The following SUSD5 variants were observed in gnomAD, a reference collection of about 807,000 sequenced individuals.
SUSD5 encodes the protein sushi domain-containing protein 5.
A neutral mutation model predicts 29.5 loss-of-function variants in SUSD5; 33 were observed. The observed-to-expected ratio is 1.12, with a 90% confidence interval of 0.85 to 1.49. SUSD5 has a LOEUF of 1.49. Ranked by LOEUF, SUSD5 falls within the 40% of genes most tolerant of loss-of-function variation. The pLI is 0.00. For synonymous variants in SUSD5, 308 were observed against 325.3 expected (o/e 0.95, Z 0.57); for missense variants, 776 against 800.6 (o/e 0.97, Z 0.37).
intron 3 of SUSD5, among the ~76,000 whole-genome samples, chr3:33,201,476 C>A (rs2032116052): frequency 6.6e-6 from 1 of 152,218 alleles, no homozygotes; most frequent in Admixed American, 6.5e-5. Flanking sequence ...CCTCTGGGGC[C>A]AAAAGACCCA....
intron 2 of SUSD5, among the ~76,000 whole-genome samples, chr3:33,211,948 T>C (rs1035192552): frequency 6.6e-5 from 10 of 152,186 alleles, no homozygotes. Context: ...TTTATTCTTC[T>C]GCATACAGAT....
chr3:33,217,353 T>G (rs572031664), intron 1 of SUSD5, among the ~76,000 whole-genome samples: 48 of 152,332 alleles, frequency 3.2e-4, no homozygotes, highest in African/African-American at 1.0e-3. Context: ...TGGGATTCTT[T>G]TGAGGAGTGA....
chr3:33,205,309 T>C (rs966423340), intron 3 of SUSD5, among the ~76,000 whole-genome samples: 2 of 152,238 alleles, frequency 1.3e-5, no homozygotes, highest in South Asian at 4.1e-4. Context: ...CAAGTCTTTT[T>C]GGTCTTTCTT....
intron 3 of SUSD5, among the ~76,000 whole-genome samples, chr3:33,182,915 T>C (rs2031701727): frequency 6.6e-6 from 1 of 151,864 alleles, no homozygotes; most frequent in African/African-American, 2.4e-5. Context: ...GCCTCCTGAG[T>C]AGCTGGGACT....
At chr3:33,187,672 C>CTT (rs747988806) in intron 3 of SUSD5, among the ~76,000 whole-genome samples, 9 of 146,336 alleles carry the variant, frequency 6.2e-5, no homozygotes, top group Non-Finnish European at 1.2e-4. Flanking sequence ...TTTTTTTATA[C>CTT]TTTAAGTTTT....
In SUSD5 at chr3:33,151,117, G is replaced by A. The variant is rs1400567716; in HGVS notation, c.*1625C>T. ...CTTTAGGGCTTCAGCTGGCCTCGAA[G>A]TTCACATTTGAGATTATTATAAACC... is the stretch of plus-strand genomic sequence containing the variant. On this transcript the variant is annotated 3_prime_UTR_variant, in exon 5 of 5. Transcript: ENST00000309558. 2.6e-5 allele frequency: 4 copies of A among 152,172 alleles called. No homozygotes were observed. Among genetic ancestry groups the A allele is most frequent in the Non-Finnish European group, 5.9e-5 (4 of 68,032 alleles). The allele number at this position is 152,172 out of a possible 1,614,324, so 9.4% of individuals were successfully genotyped here.
chr3:33,179,800 T>C (rs1575534867), intron 3 of SUSD5, among the ~76,000 whole-genome samples: 1 of 152,260 alleles, frequency 6.6e-6, no homozygotes, highest in East Asian at 1.9e-4. Flanking sequence ...TCTACTCTAA[T>C]TTTTATTACA....
At chr3:33,201,384 T>C (rs149962058) in intron 3 of SUSD5, among the ~76,000 whole-genome samples, 1,530 of 152,320 alleles carry the variant, frequency 0.01, 11 homozygotes, top group Non-Finnish European at 0.016. Context: ...GCAGCTCTTC[T>C]GAGTAGCACA....
intron 3 of SUSD5, among the ~76,000 whole-genome samples, chr3:33,189,665 T>A (rs978274645): frequency 6.6e-6 from 1 of 152,164 alleles, no homozygotes; most frequent in Non-Finnish European, 1.5e-5. Context: ...ATATTACACA[T>A]AAATCACACT....
chr3:33,200,984 T>C (rs1320488977), intron 3 of SUSD5, among the ~76,000 whole-genome samples: 1 of 152,170 alleles, frequency 6.6e-6, no homozygotes, highest in Non-Finnish European at 1.5e-5. Flanking sequence ...GATGGAATTG[T>C]TAAGCAAAAA....
chr3:33,167,185 AAT>A lies in SUSD5; in HGVS notation c.598+7699_598+7700del, dbSNP rs917862881. Among the ~76,000 whole-genome samples the A allele has an allele frequency of 1.3e-5, 2 of 150,298 alleles. No homozygotes were observed. Among genetic ancestry groups the A allele is most frequent in the Non-Finnish European group, 1.5e-5 (1 of 67,620 alleles). On this transcript the variant is annotated intron_variant, in intron 4 of 4. Transcript: ENST00000309558. This position sits in a 1 kb window ranked among gnomAD's most constrained non-coding sequence, Gnocchi z 4.1. ...CAAGAGCGAGACTCCATCTCAAAAA[AAT>A]ATATATATATATAAATATATATATA...
chr3:33,218,225 A>G (rs1426586049), intron 1 of SUSD5, among the ~76,000 whole-genome samples: 1 of 152,170 alleles, frequency 6.6e-6, no homozygotes, highest in African/African-American at 2.4e-5. Flanking sequence ...AGCCTCGCTG[A>G]TTCCCACTCA....
At chr3:33,170,896 G>A (rs146742785) in intron 4 of SUSD5, among the ~76,000 whole-genome samples, 2 of 152,322 alleles carry the variant, frequency 1.3e-5, no homozygotes, top group African/African-American at 4.8e-5. Context: ...AGGTGAAAGG[G>A]CCTGAAAGGT....
chr3:33,182,819 C>T (rs111542383), intron 3 of SUSD5, among the ~76,000 whole-genome samples: 3,013 of 152,242 alleles, frequency 0.02, 60 homozygotes, highest in East Asian at 0.083. Flanking sequence ...CGGAGTCTTG[C>T]TCTGTCACCC....
chr3:33,166,462 CTAATGTGT>C (rs1201694516), intron 4 of SUSD5, among the ~76,000 whole-genome samples: 2 of 152,092 alleles, frequency 1.3e-5, no homozygotes, highest in Non-Finnish European at 2.9e-5. Flanking sequence ...CAGTTTGGGA[CTAATGTGT>C]TACTCACCAG....
chr3:33,198,390 C>A (rs2032037243), intron 3 of SUSD5, among the ~76,000 whole-genome samples: 1 of 152,172 alleles, frequency 6.6e-6, no homozygotes, highest in African/African-American at 2.4e-5. Context: ...TTATTGTGTT[C>A]CAGGTGTTGT....
At position 33,152,375 on chromosome 3, in the gene SUSD5, G is replaced by A. The variant is rs768322131; in HGVS notation, c.*367C>T. The A allele has an allele frequency of 1.1e-5, 2 of 183,864 alleles. No individual in the cohort carries two copies. Among genetic ancestry groups the A allele is most frequent in the African/African-American group, 2.4e-5 (1 of 42,276 alleles). The allele number at this position is 183,864 out of a possible 1,614,324, so 11.4% of individuals were successfully genotyped here. A position where few individuals can be genotyped will look rare whatever the true frequency, so the allele number is the denominator to read the frequency against. On this transcript the variant is annotated 3_prime_UTR_variant, in exon 5 of 5. Transcript: ENST00000309558. ...GCAGAGGTTGCAGTGAGCTCAGATC[G>A]GGACACTGCACTCCAGCCTGGGCAA...
At chr3:33,154,502 G>T (rs964365859) in intron 4 of SUSD5, among the ~76,000 whole-genome samples, 5 of 152,012 alleles carry the variant, frequency 3.3e-5, no homozygotes, top group African/African-American at 1.2e-4. Context: ...CAGCCTGGGT[G>T]ACAGAGTGAG....
Position 33,218,728 on chromosome 3 carries a change from G to A in SUSD5, c.70C>T (p.Leu24=). The A allele has an allele frequency of 7.4e-7, 1 of 1,351,354 alleles. No homozygotes were observed. 83.7% of individuals were successfully genotyped at this position (1,351,354 alleles called of 1,614,324 possible). A position where few individuals can be genotyped will look rare whatever the true frequency, so the allele number is the denominator to read the frequency against. Residue 24 remains leucine (L), a synonymous_variant, in exon 1 of 5, where the codon CTG becomes TTG. Coordinates refer to ENST00000309558, the MANE Select transcript of SUSD5 (RefSeq NM_015551.2). The part of the protein sequence containing the change: ...RRLPGLWAAA[L]LLLGLPRLSV... The stretch of plus-strand genomic sequence containing the variant: ...AGGCGCGGCAGACCGAGCAGGAGCA[G>A]CGCCGCCGCCCAGAGCCCGGGGAGG...
Sources: allele counts gnomAD v4.1 joint callset (sites outside exome capture counted in the v4.1 genomes callset), GRCh38; gene constraint gnomAD v4.1.1; non-coding constraint Gnocchi (gnomAD v3.1); transcripts MANE v1.5; gene names NCBI Gene and HGNC (gene_info 2026-07-23, HGNC 2026-07-21).